The following COBLL1 variants were observed in gnomAD, a reference collection of about 807,000 sequenced individuals.
COBLL1 encodes cordon-bleu WH2 repeat protein like 1, also known as cordon-bleu protein-like 1.
COBLL1 carries 50 observed loss-of-function variants against 94.8 expected under a neutral mutation model. The observed-to-expected ratio is 0.53, with a 90% CI of 0.42 to 0.67. The LOEUF (loss-of-function observed/expected upper bound fraction) is 0.67, where lower values mean the gene tolerates loss of function less well. Among genes scored for constraint, COBLL1 ranks in the 30% least tolerant of loss-of-function variants. The pLI is 0.00. For missense variants in COBLL1, 1,362 were observed against 1,348.7 expected (o/e 1.01, Z -0.15); for synonymous variants, 448 against 473.8 (o/e 0.95, Z 0.71).
At chr2:164,711,359 G>T (rs1359836556) in intron 7 of COBLL1, among the ~76,000 whole-genome samples, 1 of 152,166 alleles carries the variant, frequency 6.6e-6, no homozygotes, top group African/African-American at 2.4e-5. Flanking sequence ...AAAAAGCATA[G>T]GTAAAAGGAG....
chr2:164,680,022 C>A (rs897763654), downstream of COBLL1, among the ~76,000 whole-genome samples: 1 of 151,930 alleles, frequency 6.6e-6, no homozygotes, highest in African/African-American at 2.4e-5. Flanking sequence ...TGAACCATAA[C>A]ACCCTTAATT....
chr2:164,820,526 T>C (rs1325529223), intron 2 of COBLL1, among the ~76,000 whole-genome samples: 1 of 152,154 alleles, frequency 6.6e-6, no homozygotes, highest in Non-Finnish European at 1.5e-5. Flanking sequence ...AGGCCTGCTG[T>C]TAATTTCATA....
intron 2 of COBLL1, among the ~76,000 whole-genome samples, chr2:164,823,596 T>C (rs1685287280): frequency 6.6e-6 from 1 of 152,202 alleles, no homozygotes; most frequent in African/African-American, 2.4e-5. Context: ...TGCATACCCC[T>C]GAACTAAGTG....
chr2:164,802,468 G>A (rs1683858467), intron 2 of COBLL1, among the ~76,000 whole-genome samples: 1 of 152,188 alleles, frequency 6.6e-6, no homozygotes, highest in African/African-American at 2.4e-5. Context: ...GAAAAACTGA[G>A]TTTACTTGGC....
chr2:164,808,803 T>A (rs1464354385), intron 2 of COBLL1, among the ~76,000 whole-genome samples: 1 of 152,176 alleles, frequency 6.6e-6, no homozygotes, highest in Non-Finnish European at 1.5e-5. Context: ...CAGTGTTTTA[T>A]AATCTTTCAT....
chr2:164,776,287 G>A (rs78991040), intron 2 of COBLL1, among the ~76,000 whole-genome samples: 3,215 of 152,090 alleles, frequency 0.021, 52 homozygotes, highest in Middle Eastern at 0.058. Context: ...TCCTTATCCT[G>A]GTAAAGGAAG....
At chr2:164,758,083 A>G (rs564350578) in intron 2 of COBLL1, among the ~76,000 whole-genome samples, 1 of 152,242 alleles carries the variant, frequency 6.6e-6, no homozygotes, top group African/African-American at 2.4e-5. Flanking sequence ...GAGAAAACAG[A>G]CTTAAAAGAA....
At chr2:164,696,108 G>T in intron 11 of COBLL1, 1 of 307,196 alleles carries the variant, frequency 3.3e-6, no homozygotes, top group Non-Finnish European at 5.9e-6. Flanking sequence ...GACATAAAAA[G>T]GTGAAAATAT....
In COBLL1 at chr2:164,841,473, C is replaced by T. The variant is rs2105405681; in HGVS notation, c.-50-227G>A. On this transcript the variant is annotated intron_variant, in intron 1 of 13. Transcript: ENST00000652658. The surrounding 1 kb of genome is among the most constrained non-coding windows in gnomAD (Gnocchi z 5.5). Reference sequence around the variant, plus strand: ...CACGGCGGAGGAGGCGGTGGCGCTGCAGCCCCCGCCCCGTGGGGTTTACTG... The same window carrying T: ...CACGGCGGAGGAGGCGGTGGCGCTGTAGCCCCCGCCCCGTGGGGTTTACTG... 8.8e-7 allele frequency: 1 copy of T among 1,135,152 alleles called. No individual in the cohort carries two copies. Among genetic ancestry groups the T allele is most frequent in the Non-Finnish European group, 1.1e-6 (1 of 925,750 alleles). 70.3% of individuals were successfully genotyped at this position (1,135,152 alleles called of 1,614,324 possible).
chr2:164,798,175 A>T (rs1307552021), intron 2 of COBLL1, among the ~76,000 whole-genome samples: 4 of 152,340 alleles, frequency 2.6e-5, no homozygotes, highest in East Asian at 1.9e-4. Context: ...AGTGAATTTT[A>T]AAAAAATCTA....
chr2:164,728,256 A>G, intron 4 of COBLL1, 59 bp from the exon 5 acceptor site: 1 of 1,050,244 alleles, frequency 9.5e-7, no homozygotes, highest in East Asian at 2.4e-5. Flanking sequence ...ACACTCTACA[A>G]TAATGTCTAG....
intron 4 of COBLL1, among the ~76,000 whole-genome samples, chr2:164,729,414 A>T (rs1574483261): frequency 6.6e-6 from 1 of 151,938 alleles, no homozygotes; most frequent in East Asian, 1.9e-4. Context: ...TTTTGCATGA[A>T]ATTTGTACAT....
downstream of COBLL1, among the ~76,000 whole-genome samples, chr2:164,679,001 C>T (rs544031134): frequency 1.3e-4 from 20 of 152,268 alleles, no homozygotes; most frequent in African/African-American, 4.3e-4. Context: ...AGTCTTTCCT[C>T]TTATATTCAC....
intron 2 of COBLL1, among the ~76,000 whole-genome samples, chr2:164,767,405 C>G (rs186580939): frequency 6.6e-6 from 1 of 152,256 alleles, no homozygotes; most frequent in East Asian, 1.9e-4. Flanking sequence ...TTCTAGTCAG[C>G]AGGTTATAAA....
chr2:164,659,009 T>C (rs975801350), intron 2 of COBLL1, among the ~76,000 whole-genome samples: 1 of 152,142 alleles, frequency 6.6e-6, no homozygotes, highest in Non-Finnish European at 1.5e-5. Context: ...TAGGTTTCTG[T>C]ACAGCCAATA....
intron 2 of COBLL1, among the ~76,000 whole-genome samples, chr2:164,797,011 T>G (rs1294549337): frequency 6.6e-6 from 1 of 152,186 alleles, no homozygotes; most frequent in Non-Finnish European, 1.5e-5. Flanking sequence ...AGGGATTTAG[T>G]GTCAATAAAA....
chr2:164,758,759 G>A (rs575493518), intron 2 of COBLL1, among the ~76,000 whole-genome samples: 93 of 151,424 alleles, frequency 6.1e-4, no homozygotes, highest in African/African-American at 1.5e-3. Context: ...AAGTATAAAA[G>A]GCCTTATTAC....
At chr2:164,728,368 G>A (rs772178508) in intron 4 of COBLL1, among the ~76,000 whole-genome samples, 171 bp from the exon 5 acceptor site, 8 of 151,938 alleles carry the variant, frequency 5.3e-5, no homozygotes, top group Non-Finnish European at 1.0e-4. Context: ...TAAATCCAAA[G>A]CAAGTTCTTA....
In COBLL1 at chr2:164,687,643, G is replaced by C. The variant is rs923048476; in HGVS notation, c.3301-1611C>G. On this transcript the variant is annotated intron_variant, in intron 13 of 13. Coordinates refer to ENST00000652658, the MANE Select transcript of COBLL1 (RefSeq NM_001365672.2). ...AGAGACATGAACATACATCTGAAAG[G>C]CCTATTATCAAGGTCCCTTAGAGCA... 91 of 931,384 alleles carry C rather than the reference G, an allele frequency of 9.8e-5. No individual in the cohort carries two copies. In the Middle Eastern group the frequency reaches 1.1e-3, roughly 11 times the overall value. 57.7% of individuals were successfully genotyped at this position (931,384 alleles called of 1,614,324 possible).
Sources: allele counts gnomAD v4.1 joint callset (sites outside exome capture counted in the v4.1 genomes callset), GRCh38; gene constraint gnomAD v4.1.1; non-coding constraint Gnocchi (gnomAD v3.1); transcripts MANE v1.5; gene names NCBI Gene and HGNC (gene_info 2026-07-23, HGNC 2026-07-21).